Variants in VEGFD observed in about 807,000 individuals in gnomAD.
The protein encoded by VEGFD is c-fos induced growth factor (vascular endothelial growth factor D).
VEGFD carries 26 observed loss-of-function variants against 28.0 expected under a neutral mutation model. The observed-to-expected ratio is 0.93, with a 90% confidence interval of 0.68 to 1.29. VEGFD has a LOEUF of 1.29. Among genes scored for constraint, VEGFD ranks in the 50% most tolerant of loss-of-function variants. VEGFD has a pLI of 0.00. For synonymous variants in VEGFD, 93 were observed against 95.5 expected (o/e 0.97, Z 0.15); for missense variants, 294 against 273.4 (o/e 1.08, Z -0.53).
At chrX:15,361,463 C>T (rs1201143103) in intron 2 of VEGFD, among the ~76,000 whole-genome samples, 1 of 112,228 alleles carries the variant, frequency 8.9e-6, no homozygotes, top group African/African-American at 3.2e-5. Context: ...ACTAAGAATC[C>T]TCTTCACACT....
chrX:15,376,433 C>T (rs990809920), intron 1 of VEGFD, among the ~76,000 whole-genome samples: 1 of 112,127 alleles, frequency 8.9e-6, no homozygotes, highest in African/African-American at 3.2e-5. Flanking sequence ...TTTTAAGCCA[C>T]TGAAATTTGG....
chrX:15,363,472 C>T (rs1397336012), intron 1 of VEGFD, among the ~76,000 whole-genome samples, 153 bp from the exon 2 acceptor site: 2 of 112,326 alleles, frequency 1.8e-5, no homozygotes, highest in African/African-American at 6.5e-5. Context: ...AGGATATCTT[C>T]TAGTATTTTT....
rs1236594721 is a variant in VEGFD, at chrX:15,367,986, A to AAGAAAGAAAG, written c.91-4668_91-4667insCTTTCTTTCT. Among the ~76,000 whole-genome samples, 205 of 66,628 alleles carry AAGAAAGAAAG rather than the reference A, an allele frequency of 3.1e-3. 1 individual carries two copies. Among genetic ancestry groups the AAGAAAGAAAG allele is most frequent in the African/African-American group, 9.9e-3 (138 of 13,896 alleles). 57.9% of individuals were successfully genotyped at this position (66,628 alleles called of 115,157 possible). A position where few individuals can be genotyped will look rare whatever the true frequency, so the allele number is the denominator to read the frequency against. Reference sequence around the variant, plus strand: ...AGAAAGAAAGAAAGAAAGAAAAAGAAAAAGAAAGAAAGAAAGAAAGAAAGA... The same window carrying AAGAAAGAAAG: ...AGAAAGAAAGAAAGAAAGAAAAAGAAAGAAAGAAAGAAAGAAAGAAAGAAAGAAAGAAAGA... On this transcript the variant is annotated intron_variant, in intron 1 of 6. Transcript: ENST00000297904.
intron 5 of VEGFD, among the ~76,000 whole-genome samples, chrX:15,351,211 G>A (rs1922715165): frequency 1.0e-5 from 1 of 98,250 alleles, no homozygotes; most frequent in African/African-American, 3.7e-5. Context: ...CGCCTCCCGG[G>A]TTCACGCCAT....
At chrX:15,353,800 T>C (rs1302494553) in intron 4 of VEGFD, among the ~76,000 whole-genome samples, 1 of 111,011 alleles carries the variant, frequency 9.0e-6, no homozygotes, top group Non-Finnish European at 1.9e-5. Flanking sequence ...TCTTACTAGA[T>C]AGTGATTCTG....
At chrX:15,374,535 G>T (rs138073962) in intron 1 of VEGFD, among the ~76,000 whole-genome samples, 1 of 111,905 alleles carries the variant, frequency 8.9e-6, no homozygotes, top group African/African-American at 3.3e-5. Flanking sequence ...CGACAGTGAA[G>T]GAGAACAGAT....
chrX:15,349,948 G>A (rs1332904775), intron 5 of VEGFD, among the ~76,000 whole-genome samples: 2 of 111,481 alleles, frequency 1.8e-5, no homozygotes, highest in African/African-American at 3.3e-5. Context: ...TCCACCCTGC[G>A]CCTCTCACTT....
chrX:15,363,664 G>A (rs1171764751), intron 1 of VEGFD, among the ~76,000 whole-genome samples: 1 of 112,325 alleles, frequency 8.9e-6, no homozygotes. Context: ...CTGTACAGAT[G>A]TAATGAAGTT....
intron 1 of VEGFD, among the ~76,000 whole-genome samples, chrX:15,370,305 C>A (rs1923275689): frequency 1.8e-5 from 2 of 112,094 alleles, no homozygotes; most frequent in Non-Finnish European, 3.8e-5. Flanking sequence ...TATGAATAAA[C>A]AACTTGATTC....
rs773081221 is a variant in VEGFD at position 15,354,979 on chromosome X, T to C, written c.641+171A>G. Among the ~76,000 whole-genome samples, 34 of 111,699 alleles carry C rather than the reference T, an allele frequency of 3.0e-4. No individual in the cohort carries two copies. The East Asian group carries it at 7.8e-3, about 26-fold the overall frequency. On this transcript the variant is annotated intron_variant, in intron 4 of 6. Coordinates refer to ENST00000297904, the MANE Select transcript of VEGFD (RefSeq NM_004469.5). The stretch of plus-strand genomic sequence containing the variant: ...ACCACAATATATATCTAACATCTAA[T>C]AAAAATATGTATTTGCCAGTTATTA...
chrX:15,355,183 A>G lies in VEGFD; in HGVS notation c.608T>C (p.Ile203Thr). The change falls in exon 4 of 7, where the codon ATC (isoleucine) becomes ACC (threonine). Residue 203 changes from isoleucine to threonine, a missense_variant. Transcript: ENST00000297904. ...PTAPRHPYSI[I>T]RRSIQIPEED... ...TTCAGGGATCTGGATGGATCTTCTG[A>G]TAATTGAGTATGGATGGCGGGGGGC... The G allele has an allele frequency of 1.7e-6, 2 of 1,202,089 alleles. No individual in the cohort carries two copies. Among genetic ancestry groups the G allele is most frequent in the Non-Finnish European group, 2.2e-6 (2 of 892,602 alleles).
Position 15,368,045 on chromosome X carries a change from A to AGAAAG in VEGFD, c.91-4731_91-4727dup, listed in dbSNP as rs1569186657. Among the ~76,000 whole-genome samples, 10 of 94,955 alleles carry AGAAAG rather than the reference A, an allele frequency of 1.1e-4. No individual in the cohort carries two copies. The South Asian group carries it at 2.6e-3, about 24-fold the overall frequency. 82.5% of individuals were successfully genotyped at this position (94,955 alleles called of 115,157 possible). On this transcript the variant is annotated intron_variant, in intron 1 of 6. Transcript: ENST00000297904. ...AAGAAAGAAAGGAAAGAAGAAAGAA[A>AGAAAG]GAAAGAAGAAAGAAAGGAAAGAAAG...
chrX:15,355,883 A>G (rs1027552888), intron 3 of VEGFD, among the ~76,000 whole-genome samples: 26 of 112,186 alleles, frequency 2.3e-4, no homozygotes, highest in South Asian at 7.3e-4. Context: ...CTCACACTGC[A>G]GCTTAGAGTC....
At chrX:15,361,444 C>T (rs1026262377) in intron 2 of VEGFD, among the ~76,000 whole-genome samples, 1 of 112,132 alleles carries the variant, frequency 8.9e-6, no homozygotes, top group Non-Finnish European at 1.9e-5. Flanking sequence ...CACAGTCATA[C>T]ACATGAACAC....
chrX:15,373,383 G>A (rs1201973043), intron 1 of VEGFD, among the ~76,000 whole-genome samples: 3 of 111,826 alleles, frequency 2.7e-5, no homozygotes, highest in African/African-American at 9.8e-5. Flanking sequence ...TATGGAAAAG[G>A]AGGCCAGCTT....
rs772126002 is a variant in VEGFD at position 15,347,456 on chromosome X, G to T, written c.743-97C>A. The T allele has an allele frequency of 1.2e-4, 79 of 662,641 alleles. No homozygotes were observed. The South Asian group carries it at 2.5e-3, about 21-fold the overall frequency. The allele number at this position is 662,641 out of a possible 1,213,427, so 54.6% of individuals were successfully genotyped here. ...CTTTTATGTCATCCGTAAGTAACTT[G>T]GATTCACCCAATCTCCTTCCTATAG... is the stretch of plus-strand genomic sequence containing the variant. On this transcript the variant is annotated intron_variant, in intron 5 of 6. Transcript: ENST00000297904.
At chrX:15,348,339 C>T (rs1922605927) in intron 5 of VEGFD, among the ~76,000 whole-genome samples, 1 of 112,464 alleles carries the variant, frequency 8.9e-6, no homozygotes, top group Admixed American at 9.4e-5. Context: ...CTCTGTCACT[C>T]ATCTCACCAC....
intron 6 of VEGFD, among the ~76,000 whole-genome samples, chrX:15,346,874 T>G (rs1453516154): frequency 9.1e-6 from 1 of 110,334 alleles, no homozygotes; most frequent in Non-Finnish European, 1.9e-5. Context: ...GAGGTTGCAG[T>G]GAGCCCAGAT....
At chrX:15,368,030 G>GAAAGAAA (rs59473175) in intron 1 of VEGFD, among the ~76,000 whole-genome samples, 2 of 44,731 alleles carry the variant, frequency 4.5e-5, no homozygotes, top group Non-Finnish European at 4.4e-5. Flanking sequence ...AAGAAAGAAA[G>GAAAGAAA]GAAAGAAGAA....
Sources: gnomAD v4.1 joint callset for allele counts (sites outside exome capture counted in the v4.1 genomes callset) on GRCh38, gnomAD v4.1.1 for gene constraint, MANE v1.5 for transcripts, NCBI Gene and HGNC (gene_info 2026-07-23, HGNC 2026-07-21) for gene names.